The following EYS variants were observed in gnomAD, a reference collection of about 807,000 sequenced individuals.
The protein encoded by EYS is EGF-like photoreceptor maintenance factor.
A neutral mutation model predicts 282.1 loss-of-function variants in EYS; 250 were observed. The observed-to-expected ratio is 0.89, with a 90% confidence interval of 0.80 to 0.98. The LOEUF (loss-of-function observed/expected upper bound fraction) is 0.98. EYS is among the 50% of genes least tolerant of loss of function. EYS has a pLI of 0.00. For synonymous variants in EYS, 1,355 were observed against 1,282.9 expected (o/e 1.06, Z -1.20); for missense variants, 4,016 against 3,709.0 (o/e 1.08, Z -2.15).
chr6:64,452,528 C>T (rs1438645480), intron 26 of EYS, among the ~76,000 whole-genome samples: 1 of 151,932 alleles, frequency 6.6e-6, no homozygotes, highest in Non-Finnish European at 1.5e-5. Flanking sequence ...CATATGGAAC[C>T]AAAAAAGAGC....
At chr6:64,603,671 A>C (rs1055304100) in intron 24 of EYS, among the ~76,000 whole-genome samples, 1 of 152,072 alleles carries the variant, frequency 6.6e-6, no homozygotes, top group African/African-American at 2.4e-5. Flanking sequence ...GATAGGGCTC[A>C]CAGAAGTAGA....
chr6:65,011,898 G>T (rs987471761), intron 13 of EYS, among the ~76,000 whole-genome samples: 3 of 152,152 alleles, frequency 2.0e-5, no homozygotes, highest in African/African-American at 7.2e-5. Flanking sequence ...GCTGGCAATG[G>T]CAACCCCCTT....
At chr6:64,748,841 C>G (rs902293746) in intron 22 of EYS, among the ~76,000 whole-genome samples, 1 of 152,174 alleles carries the variant, frequency 6.6e-6, no homozygotes, top group South Asian at 2.1e-4. Flanking sequence ...GGCATGATCT[C>G]GGCTCACTGC....
intron 12 of EYS, among the ~76,000 whole-genome samples, chr6:65,063,917 A>G (rs1773654233): frequency 6.6e-6 from 1 of 151,664 alleles, no homozygotes; most frequent in Non-Finnish European, 1.5e-5. Flanking sequence ...TGCTCTGCAG[A>G]CTGGACATAC....
intron 22 of EYS, among the ~76,000 whole-genome samples, chr6:64,738,580 T>G (rs1772264169): frequency 6.6e-6 from 1 of 152,204 alleles, no homozygotes; most frequent in African/African-American, 2.4e-5. Flanking sequence ...TACTTTCAAG[T>G]TAAAGGCCCT....
intron 2 of EYS, among the ~76,000 whole-genome samples, chr6:65,502,876 A>G (rs764032567): frequency 2.0e-5 from 3 of 151,710 alleles, no homozygotes; most frequent in Non-Finnish European, 4.4e-5. Flanking sequence ...TGTCATTTTC[A>G]TCACATCATA....
At chr6:64,970,993 G>C (rs1770274360) in intron 14 of EYS, among the ~76,000 whole-genome samples, 2 of 152,068 alleles carry the variant, frequency 1.3e-5, no homozygotes, top group South Asian at 4.1e-4. Flanking sequence ...AGCTTTTATG[G>C]AGATTCAGGA....
intron 24 of EYS, among the ~76,000 whole-genome samples, chr6:64,613,681 G>T (rs1237797344): frequency 6.6e-6 from 1 of 152,102 alleles, no homozygotes. Flanking sequence ...TGAAATGCTG[G>T]AGGCTCAGTG....
intron 41 of EYS, among the ~76,000 whole-genome samples, chr6:63,750,107 T>C (rs1305559969): frequency 6.6e-6 from 1 of 152,242 alleles, no homozygotes; most frequent in Non-Finnish European, 1.5e-5. Context: ...TTTTTTAATA[T>C]AGTTTATTTA....
intron 11 of EYS, chr6:65,331,266 T>C: frequency 1.6e-6 from 1 of 632,850 alleles, no homozygotes; most frequent in Non-Finnish European, 2.0e-6. Flanking sequence ...AGGCCTAATA[T>C]TTAACTCCAT....
At chr6:65,625,360 T>C (rs1211533643) in intron 2 of EYS, among the ~76,000 whole-genome samples, 2 of 152,220 alleles carry the variant, frequency 1.3e-5, no homozygotes, top group African/African-American at 4.8e-5. Context: ...TCTATTTGTG[T>C]TGTTTTATTT....
At chr6:65,420,396 A>C (rs1264160794) in intron 5 of EYS, among the ~76,000 whole-genome samples, 3 of 147,698 alleles carry the variant, frequency 2.0e-5, no homozygotes, top group African/African-American at 8.0e-5. Flanking sequence ...TTAAAGTTGT[A>C]TCACGAAATG....
intron 12 of EYS, among the ~76,000 whole-genome samples, chr6:65,226,740 T>C (rs1766636399): frequency 6.6e-6 from 1 of 152,178 alleles, no homozygotes; most frequent in African/African-American, 2.4e-5. Context: ...AAAATAGAAT[T>C]ACTGTATGAC....
chr6:65,179,849 T>A (rs1765328069), intron 12 of EYS, among the ~76,000 whole-genome samples: 1 of 151,952 alleles, frequency 6.6e-6, no homozygotes, highest in Non-Finnish European at 1.5e-5. Flanking sequence ...ATCAAAAAGC[T>A]TATCCACCAT....
intron 2 of EYS, among the ~76,000 whole-genome samples, chr6:65,566,451 G>A (rs780416248): frequency 1.3e-5 from 2 of 151,924 alleles, no homozygotes; most frequent in Non-Finnish European, 2.9e-5. Context: ...AATCAGGTAG[G>A]GCACTCAATC....
intron 30 of EYS, among the ~76,000 whole-genome samples, chr6:64,231,182 A>G (rs373283554): frequency 1.2e-4 from 18 of 152,254 alleles, no homozygotes; most frequent in African/African-American, 4.3e-4. Context: ...GATTGTTTGA[A>G]CTTGAAGGAT....
chr6:65,128,836 T>C (rs570452419), intron 12 of EYS, among the ~76,000 whole-genome samples: 4 of 151,802 alleles, frequency 2.6e-5, no homozygotes, highest in Admixed American at 2.0e-4. Flanking sequence ...TATGGAACAA[T>C]AGAAGAGCCT....
chr6:64,401,240 C>T (rs866266688), intron 28 of EYS, among the ~76,000 whole-genome samples: 1 of 152,012 alleles, frequency 6.6e-6, no homozygotes, highest in Non-Finnish European at 1.5e-5. Context: ...GCATTACAAT[C>T]GTCAACCTTC....
chr6:65,047,164 A>G lies in EYS; in HGVS notation c.2137+10450T>C, dbSNP rs146487131. On this transcript the variant is annotated intron_variant, in intron 13 of 42. Coordinates refer to ENST00000503581, the MANE Select transcript of EYS (RefSeq NM_001142800.2). ...TATAGCATTTTGAGAATAGATTAATATACTTTCCTTGAATTATAAATTGTT... is the reference window on the plus strand; with the variant it reads ...TATAGCATTTTGAGAATAGATTAATGTACTTTCCTTGAATTATAAATTGTT... Among the ~76,000 whole-genome samples the G allele has an allele frequency of 2.2e-3, 332 of 151,734 alleles. 1 individual carries two copies. The highest frequency in any genetic ancestry group is 7.6e-3 in the African/African-American group (314 of 41,390).
Sources: allele counts gnomAD v4.1 joint callset (sites outside exome capture counted in the v4.1 genomes callset), GRCh38; gene constraint gnomAD v4.1.1; transcripts MANE v1.5; gene names NCBI Gene and HGNC (gene_info 2026-07-23, HGNC 2026-07-21).